Variants in CFAP44 observed in about 807,000 individuals in gnomAD.
CFAP44 encodes cilia- and flagella-associated protein 44.
Under a neutral mutation model 216.2 loss-of-function variants are expected in CFAP44, and 134 were observed. The ratio of observed to expected loss-of-function variants is 0.62; its 90% confidence interval spans 0.54 to 0.72. The LOEUF is 0.72. Among genes scored for constraint, CFAP44 ranks in the 30% least tolerant of loss-of-function variants. CFAP44 has a pLI of 0.00. For missense variants in CFAP44, 2,035 were observed against 2,182.1 expected, an observed-to-expected ratio of 0.93 and a Z score of 1.34; for synonymous variants, 700 against 727.6, an observed-to-expected ratio of 0.96 and a Z score of 0.61.
intron 28 of CFAP44, among the ~76,000 whole-genome samples, chr3:113,323,795 G>C (rs903888466): frequency 6.6e-6 from 1 of 152,158 alleles, no homozygotes; most frequent in African/African-American, 2.4e-5. Flanking sequence ...TGTAATCCCA[G>C]CACTTTGGGA....
intron 4 of CFAP44, among the ~76,000 whole-genome samples, chr3:113,424,437 A>G (rs1934904436): frequency 6.6e-6 from 1 of 152,232 alleles, no homozygotes; most frequent in African/African-American, 2.4e-5. Flanking sequence ...CTCCATCTCA[A>G]AACAAAACAG....
intron 3 of CFAP44, chr3:113,426,939 C>A: frequency 2.3e-6 from 1 of 432,694 alleles, no homozygotes; most frequent in Non-Finnish European, 4.0e-6. Flanking sequence ...TGTAGTGGAG[C>A]AGTTTTTATA....
intron 6 of CFAP44, among the ~76,000 whole-genome samples, chr3:113,413,908 T>TAG (rs1934567337): frequency 6.6e-6 from 1 of 152,176 alleles, no homozygotes; most frequent in African/African-American, 2.4e-5. Flanking sequence ...ATGCTAATGG[T>TAG]AGTTTGATGG....
chr3:113,411,113 G>T (rs1470484034), intron 6 of CFAP44, among the ~76,000 whole-genome samples: 1 of 152,068 alleles, frequency 6.6e-6, no homozygotes, highest in African/African-American at 2.4e-5. Flanking sequence ...CACTCTGATG[G>T]TAGTTTCTTT....
At chr3:113,390,124 A>G (rs1933755747) in intron 15 of CFAP44, among the ~76,000 whole-genome samples, 1 of 152,210 alleles carries the variant, frequency 6.6e-6, no homozygotes, top group South Asian at 2.1e-4. Context: ...TGAATTCAAC[A>G]ACACATTAAA....
intron 22 of CFAP44, among the ~76,000 whole-genome samples, chr3:113,354,918 C>T (rs1270622223): frequency 6.6e-6 from 1 of 152,156 alleles, no homozygotes; most frequent in Admixed American, 6.5e-5. Flanking sequence ...ACCAAGGACC[C>T]TCACAGAGTC....
chr3:113,321,010 A>G (rs1950141828), intron 28 of CFAP44, among the ~76,000 whole-genome samples: 1 of 152,166 alleles, frequency 6.6e-6, no homozygotes, highest in African/African-American at 2.4e-5. Context: ...TCCTCCCTAA[A>G]ACATTCTATG....
intron 24 of CFAP44, among the ~76,000 whole-genome samples, chr3:113,336,860 G>T (rs1017140479): frequency 6.6e-6 from 1 of 151,746 alleles, no homozygotes; most frequent in African/African-American, 2.4e-5. Flanking sequence ...TTGAGGTAAA[G>T]GATGGAAGCA....
chr3:113,435,086 A>C (rs1029417624), intron 1 of CFAP44: 4 of 152,228 alleles, frequency 2.6e-5, no homozygotes, highest in Non-Finnish European at 5.9e-5. Flanking sequence ...GACCGAGCTC[A>C]GTGGCTCATG....
intron 15 of CFAP44, among the ~76,000 whole-genome samples, chr3:113,392,542 A>G (rs982820133): frequency 6.6e-6 from 1 of 152,206 alleles, no homozygotes; most frequent in Non-Finnish European, 1.5e-5. Context: ...GCACATGTCA[A>G]AATAACTAAA....
chr3:113,358,107 C>T (rs1404627268), intron 22 of CFAP44, among the ~76,000 whole-genome samples: 1 of 152,068 alleles, frequency 6.6e-6, no homozygotes, highest in Non-Finnish European at 1.5e-5. Flanking sequence ...TACTGTAACA[C>T]TCTATTTATA....
At chr3:113,293,680 A>G (rs543150721) in intron 34 of CFAP44, among the ~76,000 whole-genome samples, 5 of 152,216 alleles carry the variant, frequency 3.3e-5, no homozygotes, top group Admixed American at 3.3e-4. Flanking sequence ...TCCTTCACTC[A>G]AAAGTTCTTC....
chr3:113,342,795 C>G (rs1039595318), intron 23 of CFAP44, among the ~76,000 whole-genome samples: 1 of 151,556 alleles, frequency 6.6e-6, no homozygotes, highest in African/African-American at 2.4e-5. Context: ...AGTTCAAGAC[C>G]AGCCTGGGCA....
At chr3:113,420,549 C>G (rs1270260570) in intron 4 of CFAP44, among the ~76,000 whole-genome samples, 1 of 152,122 alleles carries the variant, frequency 6.6e-6, no homozygotes, top group East Asian at 1.9e-4. Flanking sequence ...AAACTGTCAC[C>G]TAAATAATTT....
intron 8 of CFAP44, among the ~76,000 whole-genome samples, chr3:113,406,497 G>A (rs1019938706): frequency 5.3e-5 from 8 of 151,892 alleles, no homozygotes; most frequent in Non-Finnish European, 8.8e-5. Context: ...GGTGGCAGGC[G>A]CCTGTAGTCC....
chr3:113,348,854 C>T (rs1256525556), intron 22 of CFAP44, among the ~76,000 whole-genome samples: 1 of 152,222 alleles, frequency 6.6e-6, no homozygotes, highest in African/African-American at 2.4e-5. Flanking sequence ...TAGGACAAAC[C>T]TTTGACCTCA....
chr3:113,425,776 T>C (rs1196248320), intron 4 of CFAP44, among the ~76,000 whole-genome samples: 1 of 152,194 alleles, frequency 6.6e-6, no homozygotes, highest in Non-Finnish European at 1.5e-5. Context: ...AAACAAAAGC[T>C]TAGTTTAAAT....
Position 113,399,421 on chromosome 3 carries a change from AATTATCTAACATAACAT to A in CFAP44, c.1569+468_1569+484del, listed in dbSNP as rs1553760295. On this transcript the variant is annotated intron_variant, in intron 13 of 34. Transcript: ENST00000393845. ...CCTAATTTTTTTCTATAGTTCTTAT[AATTATCTAACATAACAT>A]GTACTTAACTTACTTATTTTGACTA... Among the ~76,000 whole-genome samples, 85 of 152,060 alleles carry A rather than the reference AATTATCTAACATAACAT, an allele frequency of 5.6e-4. 4 individuals carry two copies. Among genetic ancestry groups the A allele is most frequent in the African/African-American group, 8.2e-4 (34 of 41,572 alleles).
chr3:113,291,758 G>T lies in CFAP44; in HGVS notation c.5374-10C>A. On this transcript the variant is annotated splice_polypyrimidine_tract_variant and intron_variant, in intron 34 of 34. Transcript: ENST00000393845. Reference sequence around the variant, plus strand: ...CCTGGAAGGCATTGCCCTGTTGAAAGAAAACAGCTCCCTGTTGAAGCATCA... The same window carrying T: ...CCTGGAAGGCATTGCCCTGTTGAAATAAAACAGCTCCCTGTTGAAGCATCA... 1 of 1,535,062 alleles carries T rather than the reference G, an allele frequency of 6.5e-7. No individual in the cohort carries two copies. Among genetic ancestry groups the T allele is most frequent in the South Asian group, 1.2e-5 (1 of 83,950 alleles).
Sources: allele counts gnomAD v4.1 joint callset (sites outside exome capture counted in the v4.1 genomes callset), GRCh38; gene constraint gnomAD v4.1.1; transcripts MANE v1.5; gene names NCBI Gene and HGNC (gene_info 2026-07-23, HGNC 2026-07-21).